Variants in ATRN observed in about 807,000 individuals in gnomAD.
ATRN encodes attractin-2.
ATRN carries 54 observed loss-of-function variants against 178.7 expected under a neutral mutation model. The ratio of observed to expected loss-of-function variants is 0.30; its 90% CI spans 0.24 to 0.38. The LOEUF is 0.38. Among genes scored for constraint, ATRN ranks in the 10% least tolerant of loss-of-function variants. ATRN has a pLI of 1.00. For missense variants in ATRN, 1,443 were observed against 1,815.1 expected (o/e 0.79, Z 3.73); for synonymous variants, 636 against 663.0 (o/e 0.96, Z 0.63).
At chr20:3,597,404 A>G (rs2086546085) in intron 21 of ATRN, among the ~76,000 whole-genome samples, 1 of 152,212 alleles carries the variant, frequency 6.6e-6, no homozygotes, top group African/African-American at 2.4e-5. Context: ...CAATAAGCAC[A>G]TTAAAAACGA....
At chr20:3,496,325 G>A (rs1388715035) in intron 1 of ATRN, among the ~76,000 whole-genome samples, 1 of 151,000 alleles carries the variant, frequency 6.6e-6, no homozygotes, top group Admixed American at 6.6e-5. Context: ...TGCTTTGAAT[G>A]TGTCCCAGAG....
intron 1 of ATRN, chr20:3,490,958 T>C (rs1051815268): frequency 2.0e-6 from 3 of 1,524,678 alleles, no homozygotes; most frequent in Non-Finnish European, 2.7e-6. Flanking sequence ...CCATGAGCCT[T>C]TCCTTCTCCT....
intron 24 of ATRN, among the ~76,000 whole-genome samples, chr20:3,611,471 G>T (rs185077336): frequency 6.6e-6 from 1 of 152,210 alleles, no homozygotes; most frequent in South Asian, 2.1e-4. Flanking sequence ...GCCAGGTGTG[G>T]TTCACACCTG....
chr20:3,475,129 C>G (rs2084507008), intron 1 of ATRN, among the ~76,000 whole-genome samples: 1 of 151,082 alleles, frequency 6.6e-6, no homozygotes, highest in South Asian at 2.1e-4. Flanking sequence ...CTTGATTGAA[C>G]TTACAAACCT....
intron 28 of ATRN, among the ~76,000 whole-genome samples, chr20:3,646,061 G>A (rs966203543): frequency 1.4e-4 from 22 of 152,174 alleles, no homozygotes; most frequent in African/African-American, 5.3e-4. Flanking sequence ...TGCATGCCAG[G>A]TACTAAGACT....
In ATRN at chr20:3,578,672, T is replaced by C. The variant is rs2086242963; in HGVS notation, c.2444T>C (p.Phe815Ser). Residue 815 changes from phenylalanine (F) to serine (S), a missense_variant, in exon 15 of 29, where the codon TTC (phenylalanine) becomes TCC (serine). Physicochemically the swap from Phe to Ser is radical, Grantham distance 155. Coordinates refer to ENST00000262919, the MANE Select transcript of ATRN (RefSeq NM_139321.3). The part of the protein sequence containing the change: ...AKENYDNAKL[F>S]CRNHNALLAS... ...GAGAATTATGACAATGCTAAATTGT[T>C]CTGTAGGAACCACAATGCCCTTTTG... The C allele has an allele frequency of 6.2e-7, 1 of 1,613,986 alleles. No individual in the cohort carries two copies. The highest frequency in any genetic ancestry group is 2.2e-5 in the East Asian group (1 of 44,898).
At chr20:3,530,205 A>C (rs1246492194) in intron 1 of ATRN, among the ~76,000 whole-genome samples, 1 of 148,372 alleles carries the variant, frequency 6.7e-6, no homozygotes, top group Non-Finnish European at 1.5e-5. Context: ...TAGAGCAGGC[A>C]TGGTATGAGA....
chr20:3,643,173 T>C (rs2087082087), intron 27 of ATRN, among the ~76,000 whole-genome samples: 1 of 151,614 alleles, frequency 6.6e-6, no homozygotes, highest in South Asian at 2.1e-4. Flanking sequence ...CAACTAAGAG[T>C]CCCATCCAGC....
At chr20:3,590,181 C>T (rs1336061245) in intron 18 of ATRN, among the ~76,000 whole-genome samples, 1 of 152,160 alleles carries the variant, frequency 6.6e-6, no homozygotes, top group Non-Finnish European at 1.5e-5. Flanking sequence ...GAACTCCTGA[C>T]CTCAGGTGAT....
intron 1 of ATRN, among the ~76,000 whole-genome samples, chr20:3,474,151 C>T (rs1394428948): frequency 1.3e-5 from 2 of 151,988 alleles, no homozygotes; most frequent in African/African-American, 4.8e-5. Flanking sequence ...CATGGAAAGC[C>T]CAGAGGATTG....
intron 27 of ATRN, among the ~76,000 whole-genome samples, chr20:3,641,914 AG>A (rs1380248665): frequency 6.6e-6 from 1 of 152,262 alleles, no homozygotes; most frequent in Non-Finnish European, 1.5e-5. Flanking sequence ...AGTAAATAAA[AG>A]TATAATCATA....
chr20:3,594,485 A>G lies in ATRN; in HGVS notation c.3329A>G (p.Lys1110Arg), dbSNP rs777394050. 82 of 1,606,822 alleles carry G rather than the reference A, an allele frequency of 5.1e-5. No individual in the cohort carries two copies. The highest frequency in any genetic ancestry group is 6.9e-5 in the Non-Finnish European group (81 of 1,174,734). The change falls in exon 20 of 29, where the codon AAG becomes AGG. Residue 1110 changes from lysine (K) to arginine (R), a missense_variant. Physicochemically the swap from Lys to Arg is conservative, Grantham distance 26. Coordinates refer to ENST00000262919, the MANE Select transcript of ATRN (RefSeq NM_139321.3). ...PTNGGKCQPC[K>R]CNGHASLCNT... ...TCCTTTTTCTTCTCTGCAGCATGCAAGTGCAATGGGCACGCGTCTCTGTGC... is the reference window on the plus strand; with the variant it reads ...TCCTTTTTCTTCTCTGCAGCATGCAGGTGCAATGGGCACGCGTCTCTGTGC...
At chr20:3,506,086 A>G (rs940987226) in intron 1 of ATRN, among the ~76,000 whole-genome samples, 3 of 152,080 alleles carry the variant, frequency 2.0e-5, no homozygotes, top group African/African-American at 7.2e-5. Flanking sequence ...ACACATACAC[A>G]CACACACAAA....
chr20:3,586,436 C>T (rs554253898), intron 18 of ATRN, among the ~76,000 whole-genome samples: 1 of 150,604 alleles, frequency 6.6e-6, no homozygotes, highest in South Asian at 2.1e-4. Flanking sequence ...GAATAATAGG[C>T]ATGAGGTTTT....
At chr20:3,529,597 A>G (rs2085422704) in intron 1 of ATRN, among the ~76,000 whole-genome samples, 1 of 152,184 alleles carries the variant, frequency 6.6e-6, no homozygotes, top group Non-Finnish European at 1.5e-5. Context: ...ATTCTGTAAA[A>G]CTGATCTATA....
intron 24 of ATRN, among the ~76,000 whole-genome samples, chr20:3,623,056 T>C (rs1421099488): frequency 6.6e-6 from 1 of 152,238 alleles, no homozygotes; most frequent in Non-Finnish European, 1.5e-5. Context: ...AGGACACACT[T>C]AACGTTTTAA....
At position 3,560,661 on chromosome 20, in the gene ATRN, G is replaced by T; in HGVS notation, c.1204-1G>T. 2 of 1,602,636 alleles carry T rather than the reference G, an allele frequency of 1.2e-6. No individual in the cohort carries two copies. Among genetic ancestry groups the T allele is most frequent in the Non-Finnish European group, 1.7e-6 (2 of 1,171,612 alleles). On this transcript the variant is annotated splice_acceptor_variant, in intron 7 of 28. Transcript: ENST00000262919. LOFTEE classifies it high-confidence loss of function. The stretch of plus-strand genomic sequence containing the variant: ...AAATTTTGTTTGCATTTTTTTCCTA[G>T]GATAAAATTTACATGTATGGAGGAA...
intron 18 of ATRN, among the ~76,000 whole-genome samples, chr20:3,587,477 ATT>A (rs57776247): frequency 2.8e-3 from 420 of 147,520 alleles, no homozygotes; most frequent in Middle Eastern, 3.5e-3. Context: ...TGTTGAAAAG[ATT>A]TTTTTTTTTT....
At chr20:3,534,348 C>G (rs962728455) in intron 1 of ATRN, among the ~76,000 whole-genome samples, 1 of 151,928 alleles carries the variant, frequency 6.6e-6, no homozygotes, top group Non-Finnish European at 1.5e-5. Context: ...AATGTTGTTA[C>G]TGGTAATAGC....
Sources: gnomAD v4.1 joint callset for allele counts (sites outside exome capture counted in the v4.1 genomes callset) on GRCh38, gnomAD v4.1.1 for gene constraint, MANE v1.5 for transcripts, NCBI Gene and HGNC (gene_info 2026-07-23, HGNC 2026-07-21) for gene names.